KLF3: variants seen among roughly 807,000 people sequenced by gnomAD.
KLF3 encodes KLF transcription factor 3.
A neutral mutation model predicts 32.7 loss-of-function variants in KLF3; 6 were observed. That is an observed-to-expected ratio of 0.18 (90% confidence interval 0.10 to 0.36). The LOEUF is 0.36. KLF3 is among the 10% of genes least tolerant of loss of function. The pLI, the probability that KLF3 is intolerant of heterozygous loss-of-function variation, is 1.00. For synonymous variants in KLF3, 145 were observed against 172.8 expected (o/e 0.84, Z 1.26); for missense variants, 338 against 449.7 (o/e 0.75, Z 2.25).
At position 38,688,790 on chromosome 4, in the gene KLF3, A is replaced by G; in HGVS notation, c.263A>G (p.His88Arg). ...SPSSLKFPSS[H>R]RRASPGLSMP... Reference sequence around the variant, plus strand: ...TCCTCTCTGAAGTTCCCGTCCTCACACCGGAGAGCCTCGCCTGGGTTGAGC... The same window carrying G: ...TCCTCTCTGAAGTTCCCGTCCTCACGCCGGAGAGCCTCGCCTGGGTTGAGC... Residue 88 changes from histidine to arginine, a missense_variant, in exon 3 of 6, where the codon CAC becomes CGC. His to Arg is a conservative substitution (Grantham distance 29). Coordinates refer to ENST00000261438, the MANE Select transcript of KLF3 (RefSeq NM_016531.6). The surrounding 1 kb of genome is among the most constrained non-coding windows in gnomAD (Gnocchi z 4.9). 1 of 1,614,126 alleles carries G rather than the reference A, an allele frequency of 6.2e-7. No homozygotes were observed. The highest frequency in any genetic ancestry group is 8.5e-7 in the Non-Finnish European group (1 of 1,180,018).
At chr4:38,680,705 C>G in intron 2 of KLF3, 23 bp downstream of exon 2, 1 of 1,576,558 alleles carries the variant, frequency 6.3e-7, no homozygotes, top group Non-Finnish European at 8.7e-7. Flanking sequence ...AGATTGAACA[C>G]CTCGCCTTAT....
At chr4:38,694,144 A>G (rs898211251) in intron 4 of KLF3, among the ~76,000 whole-genome samples, 1 of 152,228 alleles carries the variant, frequency 6.6e-6, no homozygotes, top group African/African-American at 2.4e-5. Flanking sequence ...AAGAGCTGGC[A>G]TTTGAAAATT....
chr4:38,689,644 T>G, intron 3 of KLF3, 85 bp from the exon 4 acceptor site: 2 of 933,304 alleles, frequency 2.1e-6, no homozygotes, highest in East Asian at 2.4e-5. Flanking sequence ...ATATCTGTGT[T>G]GTAGGTAGGA....
chr4:38,683,842 A>G (rs1453288327), intron 2 of KLF3, among the ~76,000 whole-genome samples: 1 of 152,232 alleles, frequency 6.6e-6, no homozygotes, highest in Non-Finnish European at 1.5e-5. Context: ...ATAGGAAAGT[A>G]TGTCACATCA....
At chr4:38,669,031 C>G (rs1579115052) in intron 1 of KLF3, among the ~76,000 whole-genome samples, 1 of 152,268 alleles carries the variant, frequency 6.6e-6, no homozygotes, top group African/African-American at 2.4e-5. Flanking sequence ...TTAATATTTT[C>G]AAATCAACAT....
chr4:38,689,090 C>G lies in KLF3; in HGVS notation c.544+19C>G, dbSNP rs778403022. The G allele has an allele frequency of 5.6e-6, 9 of 1,610,792 alleles. No homozygotes were observed. The highest frequency in any genetic ancestry group is 1.3e-5 in the African/African-American group (1 of 75,010). On this transcript the variant is annotated intron_variant, in intron 3 of 5. Transcript: ENST00000261438. ...ATGCAAGGTAAATTCCGCCACTGCT[C>G]CATGCTGCTGCACTTGCTTAGCGTA...
At chr4:38,670,602 C>G (rs188188175) in intron 1 of KLF3, among the ~76,000 whole-genome samples, 97 of 152,344 alleles carry the variant, frequency 6.4e-4, no homozygotes, top group Non-Finnish European at 1.2e-3. Context: ...GCTTCACACT[C>G]CAAAGCCTCT....
chr4:38,691,838 G>T (rs541985356), intron 4 of KLF3, among the ~76,000 whole-genome samples: 1 of 152,148 alleles, frequency 6.6e-6, no homozygotes, highest in Non-Finnish European at 1.5e-5. Context: ...AGCAGCCCAC[G>T]TAGGAAACCA....
rs1338801517 is a variant in KLF3 at position 38,699,776 on chromosome 4, A to G, written c.*2513A>G. 2 of 152,236 alleles carry G rather than the reference A, an allele frequency of 1.3e-5. No homozygotes were observed. Among genetic ancestry groups the G allele is most frequent in the African/African-American group, 2.4e-5 (1 of 41,460 alleles). The allele number at this position is 152,236 out of a possible 1,614,324, so 9.4% of individuals were successfully genotyped here. On this transcript the variant is annotated 3_prime_UTR_variant, in exon 6 of 6. Transcript: ENST00000261438. The stretch of plus-strand genomic sequence containing the variant: ...GCCATTCTCTATTCCCATGCTGGTC[A>G]ATACGCTTTCATTACCAATTGGCCC...
chr4:38,665,738 CA>C (rs1722013687), intron 1 of KLF3, among the ~76,000 whole-genome samples: 1 of 152,126 alleles, frequency 6.6e-6, no homozygotes, highest in Non-Finnish European at 1.5e-5. Context: ...CCAGCAAAAT[CA>C]AGTGGGGAAT....
intron 1 of KLF3, among the ~76,000 whole-genome samples, chr4:38,673,225 T>G (rs569367705): frequency 6.6e-6 from 1 of 152,280 alleles, no homozygotes; most frequent in Middle Eastern, 3.4e-3. Context: ...GGCCGGAATT[T>G]CCAGGAACTG....
intron 1 of KLF3, among the ~76,000 whole-genome samples, chr4:38,679,791 C>T (rs1722462562): frequency 6.6e-6 from 1 of 152,152 alleles, no homozygotes; most frequent in African/African-American, 2.4e-5. Flanking sequence ...ACCATGTACA[C>T]TATGAGCCCA....
chr4:38,700,492 CT>C lies in KLF3; in HGVS notation c.*3231del, dbSNP rs1220521440. ...AGTTGCTCCGAGCTGTCTTTATTCT[CT>C]TCTTGGTCAAGGTTAACAATTGCTA... On this transcript the variant is annotated 3_prime_UTR_variant, in exon 6 of 6. Transcript: ENST00000261438. 2 of 152,204 alleles carry C rather than the reference CT, an allele frequency of 1.3e-5. No individual in the cohort carries two copies. Among genetic ancestry groups the C allele is most frequent in the African/African-American group, 4.8e-5 (2 of 41,460 alleles). 9.4% of individuals were successfully genotyped at this position (152,204 alleles called of 1,614,324 possible).
intron 2 of KLF3, among the ~76,000 whole-genome samples, chr4:38,685,041 A>G (rs1201166049): frequency 6.6e-6 from 1 of 152,138 alleles, no homozygotes; most frequent in African/African-American, 2.4e-5. Context: ...TGCTTCATCA[A>G]CATTTGTCTC....
intron 2 of KLF3, chr4:38,680,960 G>C (rs1465037894): frequency 3.6e-6 from 1 of 280,606 alleles, no homozygotes; most frequent in Non-Finnish European, 7.2e-6. Context: ...TGAGGCAGGA[G>C]AGTCGCTTGA....
chr4:38,683,690 G>T (rs1326145017), intron 2 of KLF3, among the ~76,000 whole-genome samples: 1 of 151,572 alleles, frequency 6.6e-6, no homozygotes, highest in African/African-American at 2.4e-5. Context: ...CAGGAAGTGA[G>T]CAAGGAAACA....
At chr4:38,695,985 G>A (rs1723033250) in intron 5 of KLF3, among the ~76,000 whole-genome samples, 1 of 152,108 alleles carries the variant, frequency 6.6e-6, no homozygotes, top group Non-Finnish European at 1.5e-5. Flanking sequence ...TGAATCCTGG[G>A]AGGAGGCAGA....
intron 2 of KLF3, among the ~76,000 whole-genome samples, chr4:38,687,082 C>T (rs1024959013): frequency 1.1e-4 from 17 of 152,184 alleles, no homozygotes; most frequent in African/African-American, 3.6e-4. Context: ...AGTGCATTTA[C>T]GCTGTTTAAT....
chr4:38,684,304 A>G (rs1397740589), intron 2 of KLF3, among the ~76,000 whole-genome samples: 1 of 152,182 alleles, frequency 6.6e-6, no homozygotes, highest in African/African-American at 2.4e-5. Flanking sequence ...ATTATTCTTC[A>G]CCTTATCAGT....
Sources: gnomAD v4.1 joint callset for allele counts (sites outside exome capture counted in the v4.1 genomes callset) on GRCh38, gnomAD v4.1.1 for gene constraint, Gnocchi (gnomAD v3.1) non-coding constraint, MANE v1.5 for transcripts, NCBI Gene and HGNC (gene_info 2026-07-23, HGNC 2026-07-21) for gene names.